The following RAB6A variants were observed in gnomAD, a reference collection of about 807,000 sequenced individuals.
RAB6A encodes ras-related protein Rab-6A.
In RAB6A, 8 loss-of-function variants were observed where a neutral mutation model predicts 32.3. That is an observed-to-expected ratio of 0.25 (90% CI 0.15 to 0.45). RAB6A has a LOEUF of 0.45. Among genes scored for constraint, RAB6A ranks in the 20% least tolerant of loss-of-function variants. The pLI is 1.00. For synonymous variants in RAB6A, 73 were observed against 82.1 expected (o/e 0.89, Z 0.60); for missense variants, 104 against 249.4 (o/e 0.42, Z 3.93).
intron 6 of RAB6A, among the ~76,000 whole-genome samples, chr11:73,686,302 T>A (rs896527917): frequency 6.6e-6 from 1 of 152,186 alleles, no homozygotes; most frequent in African/African-American, 2.4e-5. Context: ...ACGCCTGTAA[T>A]CCCAGGACTT....
intron 6 of RAB6A, among the ~76,000 whole-genome samples, chr11:73,683,581 C>T (rs1590820678): frequency 6.6e-6 from 1 of 151,294 alleles, no homozygotes; most frequent in African/African-American, 2.4e-5. Flanking sequence ...TAGATGCAGT[C>T]TCACTTTGTC....
chr11:73,682,080 T>A (rs1945367071), intron 6 of RAB6A, among the ~76,000 whole-genome samples: 1 of 152,186 alleles, frequency 6.6e-6, no homozygotes, highest in African/African-American at 2.4e-5. Flanking sequence ...CTGTATAAAT[T>A]ACCATCATGT....
intron 5 of RAB6A, among the ~76,000 whole-genome samples, chr11:73,715,110 T>A (rs1375387150): frequency 6.6e-6 from 1 of 152,182 alleles, no homozygotes; most frequent in African/African-American, 2.4e-5. Context: ...TAAGAAAGAC[T>A]TTTTTGCAAC....
chr11:73,746,181 T>G (rs558956058), intron 1 of RAB6A, among the ~76,000 whole-genome samples: 2 of 150,944 alleles, frequency 1.3e-5, no homozygotes, highest in East Asian at 3.9e-4. Flanking sequence ...AAAAAAAAGC[T>G]GTTGTAAGCT....
intron 6 of RAB6A, among the ~76,000 whole-genome samples, chr11:73,699,215 A>G (rs1183649643): frequency 6.6e-6 from 1 of 151,838 alleles, no homozygotes; most frequent in African/African-American, 2.4e-5. Flanking sequence ...ATATCATTCA[A>G]TTAGTCAATA....
At chr11:73,706,676 C>A (rs1945851047) in intron 6 of RAB6A, among the ~76,000 whole-genome samples, 1 of 152,066 alleles carries the variant, frequency 6.6e-6, no homozygotes. Context: ...CTGCCCTCCC[C>A]CAAAAAGACC....
intron 1 of RAB6A, among the ~76,000 whole-genome samples, chr11:73,746,573 C>A (rs1946591678): frequency 6.6e-6 from 1 of 151,882 alleles, no homozygotes; most frequent in Non-Finnish European, 1.5e-5. Context: ...AGTTCAAAAC[C>A]AGCCTGGAAA....
chr11:73,697,122 A>T (rs1457775570), intron 6 of RAB6A, among the ~76,000 whole-genome samples: 2 of 151,934 alleles, frequency 1.3e-5, no homozygotes, highest in Non-Finnish European at 2.9e-5. Context: ...TAAACATGAC[A>T]AGTTCCTTTG....
chr11:73,694,432 A>G (rs757944263), intron 6 of RAB6A, among the ~76,000 whole-genome samples: 1 of 152,250 alleles, frequency 6.6e-6, no homozygotes, highest in Non-Finnish European at 1.5e-5. Context: ...TAAGCTGCCT[A>G]GTATAAATGG....
intron 1 of RAB6A, among the ~76,000 whole-genome samples, chr11:73,731,828 G>A (rs866476802): frequency 4.8e-5 from 7 of 144,938 alleles, no homozygotes; most frequent in Non-Finnish European, 7.5e-5. Flanking sequence ...TGCAACCTCC[G>A]CCTCCCGGGT....
chr11:73,699,602 T>G (rs1232261575), intron 6 of RAB6A, among the ~76,000 whole-genome samples: 1 of 152,202 alleles, frequency 6.6e-6, no homozygotes, highest in Non-Finnish European at 1.5e-5. Context: ...TATCTTACTG[T>G]CTGTAGCATT....
At chr11:73,681,005 C>T (rs1207969889) in intron 6 of RAB6A, among the ~76,000 whole-genome samples, 1 of 152,176 alleles carries the variant, frequency 6.6e-6, no homozygotes, top group Non-Finnish European at 1.5e-5. Context: ...CCACTGGGTA[C>T]AACAGCCAGT....
intron 6 of RAB6A, among the ~76,000 whole-genome samples, chr11:73,684,997 A>G (rs750169525): frequency 2.0e-5 from 3 of 152,240 alleles, no homozygotes; most frequent in Non-Finnish European, 4.4e-5. Flanking sequence ...TAATATGGCT[A>G]AAGAGATATA....
intron 2 of RAB6A, among the ~76,000 whole-genome samples, chr11:73,724,588 G>T (rs899674202): frequency 3.4e-5 from 5 of 147,592 alleles, no homozygotes; most frequent in Non-Finnish European, 7.4e-5. Flanking sequence ...CGGGGTTCAC[G>T]CCATTCTCCT....
intron 5 of RAB6A, among the ~76,000 whole-genome samples, chr11:73,714,205 A>ATATAT (rs1256971210): frequency 7.0e-4 from 44 of 62,892 alleles, no homozygotes; most frequent in Middle Eastern, 5.8e-3. Flanking sequence ...AAAAAAAAAA[A>ATATAT]AAAAATATAT....
intron 6 of RAB6A, among the ~76,000 whole-genome samples, chr11:73,686,478 C>T (rs1324351686): frequency 1.3e-5 from 2 of 152,002 alleles, no homozygotes; most frequent in Admixed American, 6.6e-5. Context: ...CGCTTGAACC[C>T]GGGAGGCGGG....
chr11:73,743,560 G>A (rs914789073), intron 1 of RAB6A, among the ~76,000 whole-genome samples: 1 of 151,708 alleles, frequency 6.6e-6, no homozygotes, highest in Non-Finnish European at 1.5e-5. Context: ...CCAGGAGACT[G>A]AGGCTTCAGT....
intron 1 of RAB6A, among the ~76,000 whole-genome samples, chr11:73,741,153 C>T (rs1946490449): frequency 6.6e-6 from 1 of 151,844 alleles, no homozygotes; most frequent in South Asian, 2.1e-4. Context: ...CCCCCCACCC[C>T]CCCAACAGAG....
chr11:73,688,097 C>T (rs904251272), intron 6 of RAB6A, among the ~76,000 whole-genome samples: 1 of 152,186 alleles, frequency 6.6e-6, no homozygotes, highest in African/African-American at 2.4e-5. Flanking sequence ...AGTTTCTTCA[C>T]TGCCAAATTA....
Sources: gnomAD v4.1 joint callset for allele counts (sites outside exome capture counted in the v4.1 genomes callset) on GRCh38, gnomAD v4.1.1 for gene constraint, MANE v1.5 for transcripts, NCBI Gene and HGNC (gene_info 2026-07-23, HGNC 2026-07-21) for gene names.